The following DLEU7 variants were observed in gnomAD, a reference collection of about 807,000 sequenced individuals.
DLEU7 encodes leukemia-associated protein 7.
In DLEU7, 17 loss-of-function variants were observed where a neutral mutation model predicts 16.0. The ratio of observed to expected loss-of-function variants is 1.06; its 90% CI spans 0.73 to 1.59. The LOEUF (loss-of-function observed/expected upper bound fraction) is 1.59, where lower values mean the gene tolerates loss of function less well. Ranked by LOEUF, DLEU7 falls within the 40% of genes most tolerant of loss-of-function variation. DLEU7 has a pLI of 0.00. For synonymous variants in DLEU7, 113 were observed against 139.8 expected (o/e 0.81, Z 1.35); for missense variants, 308 against 314.9 (o/e 0.98, Z 0.17).
chr13:50,820,355 CAT>C (rs1284514361), downstream of DLEU7, among the ~76,000 whole-genome samples: 1 of 151,474 alleles, frequency 6.6e-6, no homozygotes, highest in African/African-American at 2.4e-5. Context: ...GATACTATAA[CAT>C]AATATCATGC....
intron 1 of DLEU7, among the ~76,000 whole-genome samples, chr13:50,802,173 CTGGGAACAGGCCTGA>C (rs1876270387): frequency 7.3e-6 from 1 of 136,414 alleles, no homozygotes. Context: ...GTTTAGTTTT[CTGGGAACAGGCCTGA>C]TGCAGTTTAA....
chr13:50,766,368 A>C (rs949603010), intron 1 of DLEU7, among the ~76,000 whole-genome samples: 3 of 152,170 alleles, frequency 2.0e-5, no homozygotes, highest in Non-Finnish European at 4.4e-5. Flanking sequence ...GGCTCTTAGC[A>C]GACTGCAAAC....
At chr13:50,741,166 G>T (rs1254654880) in intron 1 of DLEU7, among the ~76,000 whole-genome samples, 1 of 152,166 alleles carries the variant, frequency 6.6e-6, no homozygotes, top group Non-Finnish European at 1.5e-5. Flanking sequence ...TCTACTTGTA[G>T]AATTATTTTG....
intron 1 of DLEU7, among the ~76,000 whole-genome samples, chr13:50,783,205 C>G (rs1413985659): frequency 6.6e-6 from 1 of 152,192 alleles, no homozygotes; most frequent in Non-Finnish European, 1.5e-5. Context: ...GCAAATCACT[C>G]ATTTAACAAA....
chr13:50,800,256 A>G (rs1166268692), intron 1 of DLEU7, among the ~76,000 whole-genome samples: 2 of 152,216 alleles, frequency 1.3e-5, no homozygotes, highest in African/African-American at 4.8e-5. Flanking sequence ...TAGTACTTGT[A>G]TCAGAAGAGT....
chr13:50,755,636 TTCTC>T lies in DLEU7; in HGVS notation c.460-42400_460-42397del, dbSNP rs1323944820. 6.6e-4 allele frequency among the ~76,000 whole-genome samples: 101 copies of T among 152,326 alleles called. 1 individual carries two copies. The highest frequency in any genetic ancestry group is 2.4e-3 in the African/African-American group (98 of 41,574). On this transcript the variant is annotated intron_variant, in intron 1 of 1. Coordinates refer to the DLEU7 transcript ENST00000400393. ...GATGTCCTTGCATTGGGCTTCGCCT[TTCTC>T]TGGTGCCTCCCCAATTAGCTTAATA...
chr13:50,813,416 C>T (rs1876628223), intron 1 of DLEU7, among the ~76,000 whole-genome samples: 1 of 152,054 alleles, frequency 6.6e-6, no homozygotes, highest in Non-Finnish European at 1.5e-5. Flanking sequence ...TATGGCTCAG[C>T]TTAGGAAATA....
At chr13:50,762,952 C>G (rs1874982835) in intron 1 of DLEU7, among the ~76,000 whole-genome samples, 1 of 152,148 alleles carries the variant, frequency 6.6e-6, no homozygotes, top group Non-Finnish European at 1.5e-5. Context: ...GTGCCTCCAA[C>G]TGGTGGAGAG....
At chr13:50,824,228 A>G (rs1877011960) in intron 1 of DLEU7, among the ~76,000 whole-genome samples, 1 of 152,212 alleles carries the variant, frequency 6.6e-6, no homozygotes, top group South Asian at 2.1e-4. Context: ...GGTAGTTTAA[A>G]AGAAGGAGGT....
intron 1 of DLEU7, among the ~76,000 whole-genome samples, chr13:50,836,586 G>C (rs1476274325): frequency 1.3e-5 from 2 of 151,766 alleles, no homozygotes; most frequent in African/African-American, 4.8e-5. Flanking sequence ...AGGCAGGAGA[G>C]TGGTGTGAAC....
At chr13:50,750,666 C>G (rs1054243340) in intron 1 of DLEU7, among the ~76,000 whole-genome samples, 1 of 151,904 alleles carries the variant, frequency 6.6e-6, no homozygotes, top group Admixed American at 6.6e-5. Context: ...TAGGTATATT[C>G]CTATGTTTTT....
At chr13:50,752,782 G>A (rs1275745234) in intron 1 of DLEU7, among the ~76,000 whole-genome samples, 1 of 152,160 alleles carries the variant, frequency 6.6e-6, no homozygotes, top group Non-Finnish European at 1.5e-5. Context: ...GACCCAAAGA[G>A]TGAGCAGCAA....
At chr13:50,756,960 A>C (rs1267025245) in intron 1 of DLEU7, among the ~76,000 whole-genome samples, 1 of 152,108 alleles carries the variant, frequency 6.6e-6, no homozygotes, top group Non-Finnish European at 1.5e-5. Flanking sequence ...TAAGGTTGGA[A>C]ACTTCTCCCG....
At chr13:50,808,757 A>G (rs1323584244) in intron 1 of DLEU7, 1 of 152,176 alleles carries the variant, frequency 6.6e-6, no homozygotes, top group African/African-American at 2.4e-5. Flanking sequence ...TTTAGGAGCC[A>G]AGAGTTATGC....
rs190752787 is a variant in DLEU7, at chr13:50,733,757, C to T, written c.460-20517G>A. On this transcript the variant is annotated intron_variant, in intron 1 of 1. Coordinates refer to the DLEU7 transcript ENST00000400393. ...TTAACAAAATAATAATAGTAACTTC[C>T]GCTTTGACTGTTAAGTATCACACAT... Among the ~76,000 whole-genome samples the T allele has an allele frequency of 3.2e-3, 482 of 152,260 alleles. 1 individual carries two copies. The highest frequency in any genetic ancestry group is 8.7e-3 in the African/African-American group (361 of 41,560).
At chr13:50,723,803 A>G (rs1378184641) in intron 1 of DLEU7, among the ~76,000 whole-genome samples, 2 of 151,980 alleles carry the variant, frequency 1.3e-5, no homozygotes, top group South Asian at 2.1e-4. Flanking sequence ...TCTGGGGTGC[A>G]GTATGGTTCA....
chr13:50,731,267 G>T (rs1873904854), intron 1 of DLEU7, among the ~76,000 whole-genome samples: 2 of 152,154 alleles, frequency 1.3e-5, no homozygotes, highest in South Asian at 4.1e-4. Flanking sequence ...TGCTTTCATT[G>T]CTTCATTCTT....
intron 1 of DLEU7, among the ~76,000 whole-genome samples, chr13:50,743,856 T>G (rs1437594201): frequency 6.6e-6 from 1 of 152,234 alleles, no homozygotes; most frequent in Non-Finnish European, 1.5e-5. Flanking sequence ...TCCTCACTTC[T>G]AAGGATAGAA....
intron 1 of DLEU7, among the ~76,000 whole-genome samples, chr13:50,806,400 A>G (rs1365309887): frequency 6.6e-6 from 1 of 151,986 alleles, no homozygotes; most frequent in Non-Finnish European, 1.5e-5. Context: ...ATATATAGAG[A>G]TTTTCTCTCC....
Sources: gnomAD v4.1 joint callset for allele counts (sites outside exome capture counted in the v4.1 genomes callset) on GRCh38, gnomAD v4.1.1 for gene constraint, MANE v1.5 for transcripts, NCBI Gene and HGNC (gene_info 2026-07-23, HGNC 2026-07-21) for gene names.